PTPRG: variants seen among roughly 807,000 people sequenced by gnomAD.
PTPRG encodes the protein receptor-type tyrosine-protein phosphatase gamma.
PTPRG carries 102 observed loss-of-function variants against 165.3 expected under a neutral mutation model. The ratio of observed to expected loss-of-function variants is 0.62; its 90% CI spans 0.53 to 0.73. The LOEUF (loss-of-function observed/expected upper bound fraction) is 0.73, where lower values mean the gene tolerates loss of function less well. PTPRG is among the 30% of genes least tolerant of loss of function. The probability of loss-of-function intolerance (pLI) is 0.00; values close to 1 mark genes in which losing one functional copy is unlikely to be tolerated. For synonymous variants in PTPRG, 675 were observed against 669.5 expected (o/e 1.01, Z -0.13); for missense variants, 1,866 against 1,861.4 (o/e 1.00, Z -0.05).
At chr3:62,205,521 G>T (rs186067843) in intron 12 of PTPRG, among the ~76,000 whole-genome samples, 27 of 152,268 alleles carry the variant, frequency 1.8e-4, no homozygotes, top group African/African-American at 5.8e-4. Flanking sequence ...GCTACAGTTG[G>T]GGAGCGGAGG....
At chr3:61,989,583 C>G in intron 2 of PTPRG, 42 bp from the exon 3 acceptor site, 1 of 1,588,972 alleles carries the variant, frequency 6.3e-7, no homozygotes, top group Non-Finnish European at 8.6e-7. Context: ...TCATCCCTGA[C>G]CCTTGAACCA....
chr3:61,677,745 A>G (rs1703282957), intron 1 of PTPRG, among the ~76,000 whole-genome samples: 1 of 152,180 alleles, frequency 6.6e-6, no homozygotes, highest in African/African-American at 2.4e-5. Flanking sequence ...CCAGAGTGGT[A>G]GAGTGGCTTG....
intron 10 of PTPRG, among the ~76,000 whole-genome samples, chr3:62,196,765 T>TAACCAGGCC (rs1699973973): frequency 6.6e-6 from 1 of 152,190 alleles, no homozygotes; most frequent in African/African-American, 2.4e-5. Flanking sequence ...CACGCCAGGT[T>TAACCAGGCC]AACCAGGCCA....
At chr3:61,748,837 G>A in intron 1 of PTPRG, 41 bp from the exon 2 acceptor site, 1 of 1,519,624 alleles carries the variant, frequency 6.6e-7, no homozygotes, top group Non-Finnish European at 9.1e-7. Context: ...TATCCAGTGG[G>A]GTGCTGCCTT....
At chr3:61,644,942 G>A (rs1376800081) in intron 1 of PTPRG, among the ~76,000 whole-genome samples, 2 of 152,202 alleles carry the variant, frequency 1.3e-5, no homozygotes, top group African/African-American at 4.8e-5. Flanking sequence ...CTGCTGGAAA[G>A]TTGTTAGGAC....
intron 8 of PTPRG, among the ~76,000 whole-genome samples, chr3:62,188,380 A>C (rs1028860736): frequency 1.3e-5 from 2 of 152,158 alleles, no homozygotes; most frequent in Admixed American, 6.5e-5. Flanking sequence ...ACCACAAAAC[A>C]AAACCAAACA....
chr3:62,064,187 TA>T (rs1294674170), intron 4 of PTPRG, among the ~76,000 whole-genome samples: 1 of 152,152 alleles, frequency 6.6e-6, no homozygotes, highest in Non-Finnish European at 1.5e-5. Context: ...ACAGTTGGGA[TA>T]AACCACCTTT....
intron 14 of PTPRG, among the ~76,000 whole-genome samples, chr3:62,238,590 A>C (rs1251592929): frequency 1.3e-5 from 2 of 152,168 alleles, no homozygotes; most frequent in Admixed American, 6.5e-5. Flanking sequence ...GACACAGTAC[A>C]TACCAGAATC....
intron 4 of PTPRG, among the ~76,000 whole-genome samples, chr3:62,064,222 C>A (rs1700921622): frequency 6.6e-6 from 1 of 152,166 alleles, no homozygotes; most frequent in Non-Finnish European, 1.5e-5. Context: ...GAATACAAGT[C>A]TTCTCCCCAG....
intron 5 of PTPRG, among the ~76,000 whole-genome samples, chr3:62,111,728 C>G (rs745363103): frequency 6.6e-5 from 10 of 152,114 alleles, no homozygotes; most frequent in African/African-American, 2.4e-4. Flanking sequence ...GGATTATAGG[C>G]GTGAGCCACC....
At chr3:62,209,965 T>C (rs1700319123) in intron 12 of PTPRG, among the ~76,000 whole-genome samples, 1 of 152,190 alleles carries the variant, frequency 6.6e-6, no homozygotes, top group African/African-American at 2.4e-5. Context: ...CCACGTACTA[T>C]TGCAACCAAC....
At chr3:61,819,510 A>G (rs758501113) in intron 2 of PTPRG, among the ~76,000 whole-genome samples, 69 of 152,190 alleles carry the variant, frequency 4.5e-4, no homozygotes, top group Non-Finnish European at 7.1e-4. Flanking sequence ...TATCTAGGCA[A>G]TAATTATCAA....
intron 2 of PTPRG, among the ~76,000 whole-genome samples, chr3:61,842,726 A>AGTG (rs1284545819): frequency 6.6e-6 from 1 of 151,678 alleles, no homozygotes; most frequent in Non-Finnish European, 1.5e-5. Context: ...GCCAATGGAA[A>AGTG]GTGGCAGAGT....
At chr3:61,942,979 T>G (rs1344717995) in intron 2 of PTPRG, among the ~76,000 whole-genome samples, 1 of 152,156 alleles carries the variant, frequency 6.6e-6, no homozygotes, top group Non-Finnish European at 1.5e-5. Context: ...TGTATACAGA[T>G]TTGTCTCACA....
In PTPRG at chr3:61,646,508, G is replaced by A. The variant is rs539913777; in HGVS notation, c.85+84136G>A. ...TCCCATTCAAAACATTATTCCCCTA[G>A]AGGAGTTCTTTGTACCCTTTCCCCA... On this transcript the variant is annotated intron_variant, in intron 1 of 29. Transcript: ENST00000474889. Among the ~76,000 whole-genome samples the A allele has an allele frequency of 3.3e-5, 5 of 152,258 alleles. No homozygotes were observed. In the East Asian group the frequency reaches 7.7e-4, roughly 24 times the overall value.
rs145245841 is a variant in PTPRG at position 61,704,740 on chromosome 3, G to A, written c.86-44138G>A. ...CCACTGATGGAAACAAAAATAGAAA[G>A]CTAACAAAGCCCTGGTAGCAAAGGT... On this transcript the variant is annotated intron_variant, in intron 1 of 29. Coordinates refer to ENST00000474889, the MANE Select transcript of PTPRG (RefSeq NM_002841.4). Among the ~76,000 whole-genome samples, 600 of 152,238 alleles carry A rather than the reference G, an allele frequency of 3.9e-3. 6 individuals are homozygous for A. The highest frequency in any genetic ancestry group is 0.014 in the African/African-American group (572 of 41,554).
In PTPRG at chr3:62,054,415, T is replaced by C. The variant is rs139619185; in HGVS notation, c.520-23748T>C. ...GAATAACTGGTTATGTTAGTGTCTA[T>C]AGATCCATTTGTAAGGATCAATTTG... On this transcript the variant is annotated intron_variant, in intron 4 of 29. Transcript: ENST00000474889. 1.5e-3 allele frequency among the ~76,000 whole-genome samples: 227 copies of C among 152,360 alleles called. 1 individual carries two copies. Among genetic ancestry groups the C allele is most frequent in the African/African-American group, 5.2e-3 (217 of 41,586 alleles).
intron 1 of PTPRG, among the ~76,000 whole-genome samples, chr3:61,712,816 C>G (rs1308113020): frequency 2.0e-5 from 3 of 152,148 alleles, no homozygotes; most frequent in Non-Finnish European, 4.4e-5. Context: ...TTATCTAGAG[C>G]AAAACTACAA....
intron 5 of PTPRG, among the ~76,000 whole-genome samples, chr3:62,129,799 C>T (rs1382121826): frequency 6.6e-6 from 1 of 152,162 alleles, no homozygotes; most frequent in Non-Finnish European, 1.5e-5. Flanking sequence ...GATCCAAGAT[C>T]AGAGTATCTG....
Sources: gnomAD v4.1 joint callset for allele counts (sites outside exome capture counted in the v4.1 genomes callset) on GRCh38, gnomAD v4.1.1 for gene constraint, MANE v1.5 for transcripts, NCBI Gene and HGNC (gene_info 2026-07-23, HGNC 2026-07-21) for gene names.